Variants in FBXO21 observed in about 807,000 individuals in gnomAD.
FBXO21 encodes F-box only protein 21.
FBXO21 carries 32 observed loss-of-function variants against 76.6 expected under a neutral mutation model. The ratio of observed to expected loss-of-function variants is 0.42; its 90% CI spans 0.32 to 0.56. The LOEUF is 0.56. FBXO21 is among the 20% of genes least tolerant of loss of function. The pLI is 0.16. For missense variants in FBXO21, 586 were observed against 797.3 expected (o/e 0.73, Z 3.19); for synonymous variants, 328 against 311.5 (o/e 1.05, Z -0.56).
rs1051807981 is a variant in FBXO21 at position 117,181,620 on chromosome 12, T to C, written c.471-3979A>G. ...GACAGTCTATCTATCTATCTATCTA[T>C]CTATCTATCTATCTATCTATCTATC... is the stretch of plus-strand genomic sequence containing the variant. On this transcript the variant is annotated intron_variant, in intron 3 of 11. Coordinates refer to ENST00000622495, the MANE Select transcript of FBXO21 (RefSeq NM_015002.3). 1.3e-4 allele frequency among the ~76,000 whole-genome samples: 20 copies of C among 151,862 alleles called. No homozygotes were observed. The East Asian group carries it at 1.9e-3, about 15-fold the overall frequency.
chr12:117,175,751 A>G (rs1956166703), intron 4 of FBXO21, among the ~76,000 whole-genome samples: 1 of 152,238 alleles, frequency 6.6e-6, no homozygotes, highest in Non-Finnish European at 1.5e-5. Context: ...TGGCATCAGC[A>G]TTATTCCAGT....
At chr12:117,178,796 C>T (rs1187942464) in intron 3 of FBXO21, among the ~76,000 whole-genome samples, 2 of 152,094 alleles carry the variant, frequency 1.3e-5, no homozygotes, top group Non-Finnish European at 2.9e-5. Flanking sequence ...TCACCACTCC[C>T]CTGCCTTCTT....
intron 11 of FBXO21, among the ~76,000 whole-genome samples, chr12:117,151,689 A>T (rs1342852257): frequency 1.3e-5 from 2 of 152,254 alleles, no homozygotes; most frequent in Admixed American, 6.5e-5. Context: ...ATTATAACAC[A>T]TTGAATAAAT....
At chr12:117,189,172 C>A in intron 2 of FBXO21, 55 bp downstream of exon 2, 1 of 1,608,560 alleles carries the variant, frequency 6.2e-7, no homozygotes, top group Non-Finnish European at 8.5e-7. Flanking sequence ...TGCCTGCAGA[C>A]CCAGACACAT....
At chr12:117,168,203 T>C (rs898191710) in intron 7 of FBXO21, among the ~76,000 whole-genome samples, 2 of 152,206 alleles carry the variant, frequency 1.3e-5, no homozygotes, top group Non-Finnish European at 2.9e-5. Flanking sequence ...GTCGAATTTC[T>C]TCCTTGAGTC....
In FBXO21 at chr12:117,179,453, C is replaced by CT. The variant is rs143399826; in HGVS notation, c.471-1813dup. On this transcript the variant is annotated intron_variant, in intron 3 of 11. Transcript: ENST00000622495. Reference sequence around the variant, plus strand: ...CTTAATCTACAGGATCCTCCTCCATCTTTTTTTTTTCCCTTGCATTTTATT... The same window carrying CT: ...CTTAATCTACAGGATCCTCCTCCATCTTTTTTTTTTTCCCTTGCATTTTATT... 4.2e-4 allele frequency among the ~76,000 whole-genome samples: 63 copies of CT among 149,860 alleles called. No homozygotes were observed. In the Middle Eastern group the frequency reaches 0.011, roughly 25 times the overall value.
chr12:117,153,510 G>C (rs1480099916), intron 11 of FBXO21, among the ~76,000 whole-genome samples: 1 of 152,222 alleles, frequency 6.6e-6, no homozygotes, highest in Non-Finnish European at 1.5e-5. Context: ...ACGGAGCCCA[G>C]AGAAGAGCCC....
At chr12:117,166,044 G>T (rs535217916) in intron 8 of FBXO21, among the ~76,000 whole-genome samples, 1 of 152,292 alleles carries the variant, frequency 6.6e-6, no homozygotes, top group South Asian at 2.1e-4. Flanking sequence ...ACAAAAATTA[G>T]CTGGGCGTGG....
At position 117,174,683 on chromosome 12, in the gene FBXO21, T is replaced by C. The variant is rs747827969; in HGVS notation, c.707A>G (p.Asn236Ser). ...ELVCKTLRGI[N>S]SRHPSLAFKA... is the part of the protein sequence containing the mutation. The stretch of plus-strand genomic sequence containing the variant: ...GAAGGCCAAGCTGGGGTGGCGACTG[T>C]TTATGCCCCGAAGGGTTTTGCAAAC... Residue 236 changes from asparagine to serine, a missense_variant, in exon 5 of 12, where the codon AAC (asparagine) becomes AGC (serine). This residue lies in a region of FBXO21 where 246 missense variants were observed against 356.8 expected (regional missense o/e 0.69). Coordinates refer to ENST00000622495, the MANE Select transcript of FBXO21 (RefSeq NM_015002.3). 4 of 1,614,164 alleles carry C rather than the reference T, an allele frequency of 2.5e-6. No homozygotes were observed. In the South Asian group the frequency reaches 3.3e-5, roughly 13 times the overall value.
chr12:117,146,182 C>A lies in FBXO21; in HGVS notation c.1771G>T (p.Ala591Ser). The A allele has an allele frequency of 6.2e-7, 1 of 1,614,024 alleles. No homozygotes were observed. Among genetic ancestry groups the A allele is most frequent in the Non-Finnish European group, 8.5e-7 (1 of 1,179,932 alleles). Residue 591 changes from alanine to serine, a missense_variant, in exon 12 of 12, where the codon GCA becomes TCA. This residue lies in a region of FBXO21 where 164 missense variants were observed against 236.7 expected (regional missense o/e 0.69). Coordinates refer to ENST00000622495, the MANE Select transcript of FBXO21 (RefSeq NM_015002.3). ...EFTGTHYIPN[A>S]ELEIRYPEDL... The stretch of plus-strand genomic sequence containing the variant: ...TCTGGATACCGGATCTCCAGCTCTG[C>A]GTTTGGGATGTAGTGAGTGCCAGTA...
chr12:117,150,931 T>G (rs981360810), intron 11 of FBXO21, among the ~76,000 whole-genome samples: 2 of 104,118 alleles, frequency 1.9e-5, no homozygotes, highest in Non-Finnish European at 3.8e-5. Flanking sequence ...GGGTGGAAAG[T>G]TGAGTTTGGA....
At chr12:117,147,684 G>GCTC (rs1955791738) in intron 11 of FBXO21, among the ~76,000 whole-genome samples, 1 of 151,972 alleles carries the variant, frequency 6.6e-6, no homozygotes. Flanking sequence ...CTGGAACAAG[G>GCTC]CTCCTCCACA....
At chr12:117,170,297 G>A (rs1366725963) in intron 7 of FBXO21, among the ~76,000 whole-genome samples, 2 of 152,110 alleles carry the variant, frequency 1.3e-5, no homozygotes, top group South Asian at 2.1e-4. Flanking sequence ...AGACATTGGC[G>A]ATGTCCCCCT....
chr12:117,155,609 G>A (rs549033309), intron 11 of FBXO21, 182 bp downstream of exon 11: 16 of 678,568 alleles, frequency 2.4e-5, no homozygotes, highest in Middle Eastern at 5.1e-4. Flanking sequence ...CCTCGCCAGG[G>A]CGGCACCTGT....
chr12:117,172,709 G>T, intron 6 of FBXO21, 102 bp from the exon 7 acceptor site: 1 of 1,246,448 alleles, frequency 8.0e-7, no homozygotes, highest in Non-Finnish European at 1.1e-6. Flanking sequence ...TGGGCATGAT[G>T]CTCATTTGTG....
rs147794039 is a variant in FBXO21, at chr12:117,175,965, GAAGAT to G, written c.593-1173_593-1169del. On this transcript the variant is annotated intron_variant, in intron 4 of 11. Coordinates refer to ENST00000622495, the MANE Select transcript of FBXO21 (RefSeq NM_015002.3). ...ACTATTCTTAACTGTGAAATAAACA[GAAGAT>G]AGGATGCTTCTCAACTCCAGTATAC... Among the ~76,000 whole-genome samples the G allele has an allele frequency of 1.6e-3, 246 of 152,320 alleles. 1 individual carries two copies. The highest frequency in any genetic ancestry group is 5.7e-3 in the African/African-American group (237 of 41,580).
At chr12:117,166,232 A>G (rs1956052917) in intron 8 of FBXO21, among the ~76,000 whole-genome samples, 1 of 151,904 alleles carries the variant, frequency 6.6e-6, no homozygotes, top group Non-Finnish European at 1.5e-5. Flanking sequence ...GGCGGAGCAC[A>G]GAGGATATTT....
intron 1 of FBXO21, among the ~76,000 whole-genome samples, chr12:117,189,960 C>A (rs943418190): frequency 3.3e-5 from 5 of 152,174 alleles, no homozygotes; most frequent in African/African-American, 1.2e-4. Flanking sequence ...GGACGAGCCG[C>A]GCCGCCGCCA....
chr12:117,160,786 C>T (rs539153604), intron 9 of FBXO21, among the ~76,000 whole-genome samples: 10 of 152,240 alleles, frequency 6.6e-5, no homozygotes, highest in South Asian at 2.1e-4. Context: ...CATGCGATCA[C>T]GTGCAGCTAC....
Sources: gnomAD v4.1 joint callset for allele counts (sites outside exome capture counted in the v4.1 genomes callset) on GRCh38, gnomAD v4.1.1 for gene constraint, gnomAD v4.1.1 regional missense constraint, MANE v1.5 for transcripts, NCBI Gene and HGNC (gene_info 2026-07-23, HGNC 2026-07-21) for gene names.